HS3ST4: variants seen among roughly 807,000 people sequenced by gnomAD.
The protein encoded by HS3ST4 is heparan sulfate glucosamine 3-O-sulfotransferase 4.
HS3ST4 carries 17 observed loss-of-function variants against 29.2 expected under a neutral mutation model. That is an observed-to-expected ratio of 0.58 (90% CI 0.40 to 0.87). HS3ST4 has a LOEUF of 0.87. HS3ST4 is among the 40% of genes least tolerant of loss of function. The probability of loss-of-function intolerance (pLI) is 0.00; values close to 1 mark genes in which losing one functional copy is unlikely to be tolerated. For missense variants in HS3ST4, 627 were observed against 634.5 expected, an observed-to-expected ratio of 0.99 and a Z score of 0.13; for synonymous variants, 314 against 285.7, an observed-to-expected ratio of 1.10 and a Z score of -1.00.
chr16:25,921,824 A>T (rs1679324078), intron 1 of HS3ST4, among the ~76,000 whole-genome samples: 1 of 150,652 alleles, frequency 6.6e-6, no homozygotes, highest in Admixed American at 6.7e-5. Flanking sequence ...TCTCAATCAC[A>T]GCTCACCTCA....
At chr16:25,931,798 A>G (rs952065425) in intron 1 of HS3ST4, among the ~76,000 whole-genome samples, 2 of 152,152 alleles carry the variant, frequency 1.3e-5, no homozygotes, top group Non-Finnish European at 2.9e-5. Context: ...AAGGTAATTT[A>G]TGTGTAATGT....
At chr16:25,718,702 T>G (rs1035457717) in intron 1 of HS3ST4, among the ~76,000 whole-genome samples, 1 of 152,014 alleles carries the variant, frequency 6.6e-6, no homozygotes, top group Admixed American at 6.6e-5. Context: ...GAGTTTCAGG[T>G]GATTTTGAGA....
intron 1 of HS3ST4, among the ~76,000 whole-genome samples, chr16:26,041,315 G>C (rs1368958369): frequency 6.6e-6 from 1 of 151,922 alleles, no homozygotes; most frequent in East Asian, 1.9e-4. Flanking sequence ...ACTCCAGCTT[G>C]GGCAACAGAG....
chr16:25,733,300 T>C (rs1567229253), intron 1 of HS3ST4, among the ~76,000 whole-genome samples: 1 of 152,216 alleles, frequency 6.6e-6, no homozygotes, highest in Non-Finnish European at 1.5e-5. Context: ...ACTGGATTTG[T>C]TAGTCTCCAC....
intron 1 of HS3ST4, among the ~76,000 whole-genome samples, chr16:26,105,078 C>A (rs4372694): frequency 0.71 from 108,437 of 152,066 alleles, 39,055 homozygotes; most frequent in Non-Finnish European, 0.76. Context: ...ACAGCAATCA[C>A]AGTGATGTCT....
At chr16:25,879,392 G>C (rs1298720479) in intron 1 of HS3ST4, among the ~76,000 whole-genome samples, 1 of 152,094 alleles carries the variant, frequency 6.6e-6, no homozygotes, top group Non-Finnish European at 1.5e-5. Context: ...GGGTTTATTG[G>C]ACTTAAAGTT....
chr16:25,973,131 G>A (rs1486825898), intron 1 of HS3ST4, among the ~76,000 whole-genome samples: 1 of 152,204 alleles, frequency 6.6e-6, no homozygotes, highest in Non-Finnish European at 1.5e-5. Flanking sequence ...AATGATTGTT[G>A]TGCTGTCGGG....
chr16:26,036,806 C>G (rs897807228), intron 1 of HS3ST4, among the ~76,000 whole-genome samples: 4 of 151,976 alleles, frequency 2.6e-5, no homozygotes, highest in Non-Finnish European at 5.9e-5. Context: ...GACACAGAAA[C>G]TATCTAGAAC....
intron 1 of HS3ST4, among the ~76,000 whole-genome samples, chr16:26,100,986 A>G (rs1596681209): frequency 6.6e-6 from 1 of 152,204 alleles, no homozygotes; most frequent in African/African-American, 2.4e-5. Context: ...TCCCCAGCTC[A>G]GAAAAGGACA....
intron 1 of HS3ST4, among the ~76,000 whole-genome samples, chr16:26,085,877 A>AAATAATAAT (rs57927146): frequency 0.016 from 2,296 of 146,902 alleles, 53 homozygotes; most frequent in African/African-American, 0.051. Context: ...CTGTCTCTTA[A>AAATAATAAT]AATAATAATA....
chr16:25,980,297 C>G (rs1398992491), intron 1 of HS3ST4, among the ~76,000 whole-genome samples: 1 of 152,214 alleles, frequency 6.6e-6, no homozygotes, highest in Non-Finnish European at 1.5e-5. Flanking sequence ...CTGGGACACA[C>G]CTGTTCCCTA....
At chr16:26,039,889 A>T (rs939669636) in intron 1 of HS3ST4, among the ~76,000 whole-genome samples, 1 of 152,186 alleles carries the variant, frequency 6.6e-6, no homozygotes, top group Non-Finnish European at 1.5e-5. Flanking sequence ...TTTGTCAGCC[A>T]TTCTCCATCT....
At chr16:26,023,365 T>C (rs1969434953) in intron 1 of HS3ST4, among the ~76,000 whole-genome samples, 2 of 151,928 alleles carry the variant, frequency 1.3e-5, no homozygotes, top group South Asian at 2.1e-4. Context: ...GTTATTCAAA[T>C]AGATAGAAGA....
chr16:25,947,111 A>T (rs1218449631), intron 1 of HS3ST4, among the ~76,000 whole-genome samples: 1 of 152,158 alleles, frequency 6.6e-6, no homozygotes, highest in Non-Finnish European at 1.5e-5. Flanking sequence ...GACTCCATTT[A>T]TATTTTGAAA....
At chr16:25,812,919 C>G (rs972520126) in intron 1 of HS3ST4, among the ~76,000 whole-genome samples, 6 of 152,172 alleles carry the variant, frequency 3.9e-5, no homozygotes, top group African/African-American at 1.4e-4. Context: ...ACAAGAGATT[C>G]AGTTCAATTT....
chr16:25,948,220 G>A (rs1003981378), intron 1 of HS3ST4, among the ~76,000 whole-genome samples: 2 of 152,068 alleles, frequency 1.3e-5, no homozygotes, highest in East Asian at 3.9e-4. Flanking sequence ...TGAGGCAACA[G>A]CCCATAACCA....
At chr16:25,694,215 T>C (rs1239339987) in intron 1 of HS3ST4, among the ~76,000 whole-genome samples, 3 of 152,210 alleles carry the variant, frequency 2.0e-5, no homozygotes, top group African/African-American at 7.2e-5. Context: ...GCAGAGCCAA[T>C]AGGTAAAATC....
At chr16:25,882,518 A>G (rs1967904622) in intron 1 of HS3ST4, among the ~76,000 whole-genome samples, 1 of 152,000 alleles carries the variant, frequency 6.6e-6, no homozygotes, top group Non-Finnish European at 1.5e-5. Flanking sequence ...TTTCCAGCAA[A>G]TGTCTTTTGA....
chr16:26,047,363 A>C (rs1182367562), intron 1 of HS3ST4, among the ~76,000 whole-genome samples: 1 of 152,208 alleles, frequency 6.6e-6, no homozygotes, highest in Non-Finnish European at 1.5e-5. Context: ...GATTTCGATC[A>C]ATATTTTTTT....
Sources: allele counts gnomAD v4.1 joint callset (sites outside exome capture counted in the v4.1 genomes callset), GRCh38; gene constraint gnomAD v4.1.1; transcripts MANE v1.5; gene names NCBI Gene and HGNC (gene_info 2026-07-23, HGNC 2026-07-21).